NCKAP1: variants seen among roughly 807,000 people sequenced by gnomAD.
The protein encoded by NCKAP1 is NCK associated protein 1, also known as nck-associated protein 1.
Under a neutral mutation model 151.2 loss-of-function variants are expected in NCKAP1, and 21 were observed. That is an observed-to-expected ratio of 0.14 (90% CI 0.10 to 0.20). The LOEUF is 0.20. NCKAP1 is among the 10% of genes least tolerant of loss of function. The probability of loss-of-function intolerance (pLI) is 1.00; values close to 1 mark genes in which losing one functional copy is unlikely to be tolerated. For synonymous variants in NCKAP1, 484 were observed against 451.8 expected, an observed-to-expected ratio of 1.07 and a Z score of -0.90; for missense variants, 933 against 1,352.1, an observed-to-expected ratio of 0.69 and a Z score of 4.86.
Position 182,962,208 on chromosome 2 carries a change from C to T in NCKAP1, c.1832G>A (p.Arg611Gln). ...TGTGCAAATATCAGTGATGAGATTT[C>T]GAGCTTGTTTGGCCATTTCATCTAG... ...MFLDEMAKQA[R>Q]NLITDICTEQ... is the part of the protein sequence containing the mutation. The change falls in exon 18 of 31, where the codon CGA becomes CAA. Residue 611 changes from arginine to glutamine, a missense_variant. Around this residue, in one of 2 missense-constraint regions of NCKAP1, gnomAD observed 607 missense variants for 795.0 expected, o/e 0.76. Transcript: ENST00000361354. 6.2e-7 allele frequency: 1 copy of T among 1,612,766 alleles called. No individual in the cohort carries two copies. Among genetic ancestry groups the T allele is most frequent in the Non-Finnish European group, 8.5e-7 (1 of 1,179,152 alleles).
intron 1 of NCKAP1, among the ~76,000 whole-genome samples, chr2:183,026,660 T>C (rs1320274691): frequency 6.6e-6 from 1 of 152,156 alleles, no homozygotes; most frequent in African/African-American, 2.4e-5. Flanking sequence ...TGGCTGAGTT[T>C]CAATTTTCAT....
chr2:183,022,460 A>G (rs1378573723), intron 2 of NCKAP1, among the ~76,000 whole-genome samples: 2 of 152,220 alleles, frequency 1.3e-5, no homozygotes, highest in Non-Finnish European at 2.9e-5. Context: ...TCAGGAACTA[A>G]TTATAATGCT....
chr2:182,958,336 G>A (rs543013773), intron 18 of NCKAP1, among the ~76,000 whole-genome samples: 1 of 152,158 alleles, frequency 6.6e-6, no homozygotes, highest in Non-Finnish European at 1.5e-5. Context: ...TAGAGATGGG[G>A]TTTCGCCATG....
chr2:182,996,534 T>C (rs1698273222), intron 6 of NCKAP1, among the ~76,000 whole-genome samples: 1 of 152,198 alleles, frequency 6.6e-6, no homozygotes, highest in African/African-American at 2.4e-5. Context: ...CTCAGCTCAC[T>C]GCAAGCTCCG....
rs1397806616 is a variant in NCKAP1 at position 182,922,555 on chromosome 2, T to G, written c.*3147A>C. 1 of 152,288 alleles carries G rather than the reference T, an allele frequency of 6.6e-6. No homozygotes were observed. The highest frequency in any genetic ancestry group is 1.5e-5 in the Non-Finnish European group (1 of 68,094). 9.4% of individuals were successfully genotyped at this position (152,288 alleles called of 1,614,324 possible). A position where few individuals can be genotyped will look rare whatever the true frequency, so the allele number is the denominator to read the frequency against. ...GTGCTTGCCTTCTGGGTCTTTGCCT[T>G]TATTATTCCTCCCCTCAGCCCACTT... On this transcript the variant is annotated 3_prime_UTR_variant, in exon 31 of 31. Coordinates refer to ENST00000361354, the MANE Select transcript of NCKAP1 (RefSeq NM_013436.5).
At chr2:182,981,014 T>C (rs929452117) in intron 13 of NCKAP1, among the ~76,000 whole-genome samples, 2 of 152,238 alleles carry the variant, frequency 1.3e-5, no homozygotes, top group African/African-American at 4.8e-5. Context: ...TAAATAATTG[T>C]GTCTTTCCTT....
chr2:182,932,081 A>G (rs762809886), intron 26 of NCKAP1, among the ~76,000 whole-genome samples: 5 of 152,202 alleles, frequency 3.3e-5, no homozygotes, highest in Non-Finnish European at 7.4e-5. Context: ...CAAAAGGCTA[A>G]ACATACAGTT....
chr2:182,914,827 C>G lies in NCKAP1; in HGVS notation c.*10875G>C, dbSNP rs76304059. 0.054 allele frequency: 8,225 copies of G among 152,278 alleles called. 288 individuals carry two copies. The highest frequency in any genetic ancestry group is 0.08 in the Non-Finnish European group (5,429 of 68,018). The allele number at this position is 152,278 out of a possible 1,614,324, so 9.4% of individuals were successfully genotyped here. On this transcript the variant is annotated 3_prime_UTR_variant, in exon 31 of 31. Coordinates refer to ENST00000361354, the MANE Select transcript of NCKAP1 (RefSeq NM_013436.5). ...GATGCGCTTTGTGTAATGTTGGGAG[C>G]AAGTAATGATTTTTCCTCTTTGTTC...
rs1479316072 is a variant in NCKAP1 at position 182,910,788 on chromosome 2, G to T, written c.*14914C>A. ...AATTTCTTCACTCCTCATCTTGAGG[G>T]GTAAGTGGGCAAACATCAAGAACAC... On this transcript the variant is annotated 3_prime_UTR_variant, in exon 31 of 31. Coordinates refer to ENST00000361354, the MANE Select transcript of NCKAP1 (RefSeq NM_013436.5). 6.6e-6 allele frequency: 1 copy of T among 152,118 alleles called. No homozygotes were observed. The highest frequency in any genetic ancestry group is 1.9e-4 in the East Asian group (1 of 5,178). 9.4% of individuals were successfully genotyped at this position (152,118 alleles called of 1,614,324 possible).
At chr2:183,009,467 G>GAAGGAAGGAAGC (rs1212883008) in intron 2 of NCKAP1, among the ~76,000 whole-genome samples, 1 of 132,876 alleles carries the variant, frequency 7.5e-6, no homozygotes, top group Non-Finnish European at 1.5e-5. Flanking sequence ...AGGAAGGAAG[G>GAAGGAAGGAAGC]AAGGAAGGAA....
At chr2:182,936,288 G>C (rs576613306) in intron 24 of NCKAP1, among the ~76,000 whole-genome samples, 1 of 152,146 alleles carries the variant, frequency 6.6e-6, no homozygotes, top group Admixed American at 6.6e-5. Context: ...AGTAGGATTG[G>C]AAGGGTCAAT....
At chr2:182,972,242 A>C (rs546103587) in intron 15 of NCKAP1, among the ~76,000 whole-genome samples, 105 of 151,380 alleles carry the variant, frequency 6.9e-4, no homozygotes, top group African/African-American at 2.2e-3. Context: ...AAAAAAAAAA[A>C]AAACAAAACT....
At chr2:182,931,074 C>T (rs1696753498) in intron 26 of NCKAP1, among the ~76,000 whole-genome samples, 1 of 152,022 alleles carries the variant, frequency 6.6e-6, no homozygotes, top group Admixed American at 6.6e-5. Flanking sequence ...TGCTTGGAAG[C>T]ATGAATATAA....
At chr2:183,018,246 C>CA (rs1020414098) in intron 2 of NCKAP1, among the ~76,000 whole-genome samples, 17 of 151,816 alleles carry the variant, frequency 1.1e-4, no homozygotes, top group Non-Finnish European at 2.1e-4. Context: ...GACTCCGTCT[C>CA]AAAAAAACAA....
At chr2:182,971,554 A>T (rs950009318) in intron 15 of NCKAP1, among the ~76,000 whole-genome samples, 1 of 152,106 alleles carries the variant, frequency 6.6e-6, no homozygotes, top group Non-Finnish European at 1.5e-5. Flanking sequence ...CCTAAAATTC[A>T]TATGGAACAA....
chr2:183,014,673 T>C (rs1698651161), intron 2 of NCKAP1, among the ~76,000 whole-genome samples: 1 of 152,202 alleles, frequency 6.6e-6, no homozygotes, highest in African/African-American at 2.4e-5. Flanking sequence ...ATTTATTCCA[T>C]TGTAGCTTTT....
At chr2:182,947,636 T>G (rs766606197) in intron 23 of NCKAP1, among the ~76,000 whole-genome samples, 4 of 152,186 alleles carry the variant, frequency 2.6e-5, no homozygotes, top group Admixed American at 6.5e-5. Context: ...AAGTTGTTCT[T>G]TGGAAATAAG....
At chr2:182,990,917 TAC>T (rs1250584743) in intron 8 of NCKAP1, among the ~76,000 whole-genome samples, 1 of 152,126 alleles carries the variant, frequency 6.6e-6, no homozygotes, top group Non-Finnish European at 1.5e-5. Flanking sequence ...ATATTTTTCA[TAC>T]AACAGGGCCC....
In NCKAP1 at chr2:182,921,741, T is replaced by C. The variant is rs1435316851; in HGVS notation, c.*3961A>G. 6.6e-6 allele frequency: 1 copy of C among 152,180 alleles called. No homozygotes were observed. The highest frequency in any genetic ancestry group is 1.5e-5 in the Non-Finnish European group (1 of 68,016). The allele number at this position is 152,180 out of a possible 1,614,324, so 9.4% of individuals were successfully genotyped here. A position where few individuals can be genotyped will look rare whatever the true frequency, so the allele number is the denominator to read the frequency against. On this transcript the variant is annotated 3_prime_UTR_variant, in exon 31 of 31. Transcript: ENST00000361354. The stretch of plus-strand genomic sequence containing the variant: ...TTATTGGAAATGAAACATTCCAGAG[T>C]TAGACATGTTTACTCTGGACAGTCA...
Sources: allele counts gnomAD v4.1 joint callset (sites outside exome capture counted in the v4.1 genomes callset), GRCh38; gene constraint gnomAD v4.1.1; regional missense constraint gnomAD v4.1.1; transcripts MANE v1.5; gene names NCBI Gene and HGNC (gene_info 2026-07-23, HGNC 2026-07-21).